STPG2: variants seen among roughly 807,000 people sequenced by gnomAD.
STPG2 encodes sperm-tail PG-rich repeat-containing protein 2.
In STPG2, 56 loss-of-function variants were observed where a neutral mutation model predicts 54.2. The ratio of observed to expected loss-of-function variants is 1.03; its 90% confidence interval spans 0.83 to 1.29. The LOEUF (loss-of-function observed/expected upper bound fraction) is 1.29, where lower values mean the gene tolerates loss of function less well. Ranked by LOEUF, STPG2 falls within the 50% of genes most tolerant of loss-of-function variation. STPG2 has a pLI of 0.00. For synonymous variants in STPG2, 200 were observed against 181.8 expected, an observed-to-expected ratio of 1.10 and a Z score of -0.81; for missense variants, 596 against 544.9, an observed-to-expected ratio of 1.09 and a Z score of -0.93.
At chr4:98,125,105 C>A (rs1229705117) in intron 3 of STPG2, among the ~76,000 whole-genome samples, 1 of 152,148 alleles carries the variant, frequency 6.6e-6, no homozygotes, top group Admixed American at 6.5e-5. Flanking sequence ...AGTTTCTTTG[C>A]ATTGGGTAGA....
At chr4:97,819,849 GA>G (rs1728027187) in intron 9 of STPG2, among the ~76,000 whole-genome samples, 1 of 151,964 alleles carries the variant, frequency 6.6e-6, no homozygotes, top group South Asian at 2.1e-4. Context: ...TGAAAAAATT[GA>G]AAAACCAAAA....
At chr4:97,733,341 GA>G (rs1243446628) in intron 9 of STPG2, among the ~76,000 whole-genome samples, 17 of 152,048 alleles carry the variant, frequency 1.1e-4, no homozygotes, top group Admixed American at 9.8e-4. Flanking sequence ...CACAGGAGTG[GA>G]AAATCAAAAA....
chr4:97,784,027 C>T (rs1172438197), intron 9 of STPG2, among the ~76,000 whole-genome samples: 1 of 150,426 alleles, frequency 6.6e-6, no homozygotes, highest in African/African-American at 2.5e-5. Context: ...TGTAACAAAC[C>T]TGCACGTTGT....
At chr4:98,017,190 C>T (rs940556674) in intron 5 of STPG2, among the ~76,000 whole-genome samples, 4 of 151,674 alleles carry the variant, frequency 2.6e-5, no homozygotes, top group East Asian at 1.9e-4. Context: ...AGGCCTAGAG[C>T]GTGGATCTGC....
intron 8 of STPG2, among the ~76,000 whole-genome samples, chr4:97,920,730 G>A (rs192503498): frequency 2.0e-5 from 3 of 152,276 alleles, no homozygotes; most frequent in Admixed American, 1.3e-4. Context: ...GACCATAGAC[G>A]TGAGAAGTAA....
intron 5 of STPG2, among the ~76,000 whole-genome samples, chr4:98,083,914 G>A (rs540565732): frequency 6.6e-6 from 1 of 152,254 alleles, no homozygotes; most frequent in African/African-American, 2.4e-5. Flanking sequence ...ACAGTGGCAT[G>A]AGCACAGGTC....
chr4:97,902,096 TATCCATGAGCAAAAGA>T (rs1284281898), intron 8 of STPG2, among the ~76,000 whole-genome samples: 3 of 151,976 alleles, frequency 2.0e-5, no homozygotes, highest in African/African-American at 7.2e-5. Context: ...GAAACCTGAG[TATCCATGAGCAAAAGA>T]ATAAAATCAG....
downstream of STPG2, among the ~76,000 whole-genome samples, chr4:97,556,572 T>C (rs548117061): frequency 6.5e-4 from 99 of 152,230 alleles, no homozygotes; most frequent in African/African-American, 2.3e-3. Flanking sequence ...ACACCTGAAT[T>C]CACACAATCT....
chr4:97,601,767 T>C (rs1174439201), intron 10 of STPG2, among the ~76,000 whole-genome samples: 14 of 151,964 alleles, frequency 9.2e-5, no homozygotes, highest in Non-Finnish European at 2.1e-4. Context: ...CTCCAGAATG[T>C]TCTTCCTTAG....
chr4:97,672,107 A>G (rs1302021576), intron 10 of STPG2, among the ~76,000 whole-genome samples: 1 of 150,248 alleles, frequency 6.7e-6, no homozygotes, highest in Non-Finnish European at 1.5e-5. Context: ...TTTCATTTCC[A>G]TTTTACATGG....
chr4:97,509,136 T>C (rs1414359057), intron 4 of STPG2, among the ~76,000 whole-genome samples: 1 of 152,154 alleles, frequency 6.6e-6, no homozygotes, highest in Admixed American at 6.6e-5. Context: ...TATGGGCTTA[T>C]GTCTCTCCAG....
chr4:97,913,164 C>T (rs1353158829), intron 8 of STPG2, among the ~76,000 whole-genome samples: 1 of 152,094 alleles, frequency 6.6e-6, no homozygotes, highest in East Asian at 1.9e-4. Context: ...CAGAAACAGG[C>T]AATGAAGGAG....
chr4:98,111,834 G>A (rs1739370101), intron 3 of STPG2, among the ~76,000 whole-genome samples: 1 of 152,042 alleles, frequency 6.6e-6, no homozygotes, highest in Non-Finnish European at 1.5e-5. Flanking sequence ...CAGAAGAAAG[G>A]TAAATTTGTT....
intron 5 of STPG2, among the ~76,000 whole-genome samples, chr4:97,989,368 A>C (rs1036698927): frequency 6.6e-6 from 1 of 152,162 alleles, no homozygotes. Context: ...CCTTATCCAG[A>C]AGGGATAGGT....
At chr4:98,111,840 T>C (rs1375109542) in intron 3 of STPG2, among the ~76,000 whole-genome samples, 1 of 152,024 alleles carries the variant, frequency 6.6e-6, no homozygotes, top group African/African-American at 2.4e-5. Flanking sequence ...AAAGGTAAAT[T>C]TGTTCTCTTT....
chr4:97,938,603 A>G (rs1732851822), intron 8 of STPG2, among the ~76,000 whole-genome samples: 1 of 152,288 alleles, frequency 6.6e-6, no homozygotes, highest in Non-Finnish European at 1.5e-5. Flanking sequence ...TGGGCTCACA[A>G]GTGGGATCTT....
intron 8 of STPG2, among the ~76,000 whole-genome samples, chr4:97,849,510 C>T (rs2149129214): frequency 6.6e-6 from 1 of 151,928 alleles, no homozygotes; most frequent in Non-Finnish European, 1.5e-5. Flanking sequence ...AAAATTTTCG[C>T]AACCTACTCA....
At chr4:97,823,751 T>C (rs1728164342) in intron 9 of STPG2, among the ~76,000 whole-genome samples, 2 of 152,138 alleles carry the variant, frequency 1.3e-5, no homozygotes, top group African/African-American at 4.8e-5. Flanking sequence ...GAAACACCAA[T>C]TGGCTAACTC....
Position 97,879,216 on chromosome 4 carries a change from T to G in STPG2, c.1045-38284A>C, listed in dbSNP as rs574751850. ...AACTTTCCCAAATTTTCCTGTCTAC[T>G]TCTGAGGCTTTCAAACTCTTCCAAC... On this transcript the variant is annotated intron_variant, in intron 8 of 10. Coordinates refer to ENST00000295268, the MANE Select transcript of STPG2 (RefSeq NM_174952.3). 2.2e-4 allele frequency among the ~76,000 whole-genome samples: 34 copies of G among 152,346 alleles called. No individual in the cohort carries two copies. In the East Asian group the frequency reaches 4.8e-3, roughly 22 times the overall value.
Sources: gnomAD v4.1 joint callset for allele counts (sites outside exome capture counted in the v4.1 genomes callset) on GRCh38, gnomAD v4.1.1 for gene constraint, MANE v1.5 for transcripts, NCBI Gene and HGNC (gene_info 2026-07-23, HGNC 2026-07-21) for gene names.